Variants in ACOXL observed in about 807,000 individuals in gnomAD.
The protein encoded by ACOXL is acyl-coenzyme A oxidase-like protein.
Under a neutral mutation model 71.9 loss-of-function variants are expected in ACOXL, and 70 were observed. The ratio of observed to expected loss-of-function variants is 0.97; its 90% confidence interval spans 0.80 to 1.19. The LOEUF (loss-of-function observed/expected upper bound fraction) is 1.19. ACOXL is among the 50% of genes most tolerant of loss of function. The probability of loss-of-function intolerance (pLI) is 0.00; values close to 1 mark genes in which losing one functional copy is unlikely to be tolerated. For missense variants in ACOXL, 703 were observed against 736.3 expected (o/e 0.95, Z 0.52); for synonymous variants, 253 against 281.6 (o/e 0.90, Z 1.02).
At chr2:110,915,428 A>ATATATTT (rs1315085098) in intron 11 of ACOXL, among the ~76,000 whole-genome samples, 16 of 108,002 alleles carry the variant, frequency 1.5e-4, no homozygotes, top group African/African-American at 5.3e-4. Context: ...ATATATATAT[A>ATATATTT]TTTTTTTTTT....
rs2105264182 is a variant in ACOXL, at chr2:110,793,729, C to T, written c.239C>T (p.Pro80Leu). 6.2e-7 allele frequency: 1 copy of T among 1,613,562 alleles called. No individual in the cohort carries two copies. Among genetic ancestry groups the T allele is most frequent in the African/African-American group, 1.3e-5 (1 of 74,984 alleles). The change falls in exon 4 of 18, where the codon CCA (proline) becomes CTA (leucine). Residue 80 changes from proline (P) to leucine (L), a missense_variant. Coordinates refer to ENST00000439055, the MANE Select transcript of ACOXL (RefSeq NM_001142807.4). ...SPEHVTKWFQ[P>L]LQEQKYTGMF... ...GAACATGTTACTAAGTGGTTTCAGCCACTCCAGGTATGGTATTTTCCTCAA... is the reference window on the plus strand; with the variant it reads ...GAACATGTTACTAAGTGGTTTCAGCTACTCCAGGTATGGTATTTTCCTCAA...
At chr2:111,042,472 T>C (rs969334821) in intron 15 of ACOXL, among the ~76,000 whole-genome samples, 1 of 152,114 alleles carries the variant, frequency 6.6e-6, no homozygotes, top group African/African-American at 2.4e-5. Flanking sequence ...GAAACATGCA[T>C]AGGTTCCCGA....
intron 16 of ACOXL, among the ~76,000 whole-genome samples, chr2:111,075,290 T>C (rs1014090792): frequency 8.5e-5 from 13 of 152,190 alleles, no homozygotes; most frequent in Admixed American, 8.5e-4. Context: ...ATGATTCTTG[T>C]TATGTATTTC....
intron 10 of ACOXL, chr2:110,887,220 C>T: frequency 4.9e-6 from 1 of 202,316 alleles, no homozygotes. Context: ...CACAATGCAT[C>T]AAAATTCTTT....
intron 9 of ACOXL, among the ~76,000 whole-genome samples, chr2:110,833,171 A>G (rs1171535753): frequency 6.6e-6 from 1 of 152,256 alleles, no homozygotes; most frequent in Non-Finnish European, 1.5e-5. Flanking sequence ...AATAACCCAG[A>G]TATCTTTCAA....
chr2:110,908,999 T>C, intron 11 of ACOXL, 94 bp downstream of exon 11: 1 of 940,036 alleles, frequency 1.1e-6, no homozygotes, highest in Non-Finnish European at 1.6e-6. Context: ...TGTCATTTTC[T>C]AACTGTGATC....
intron 5 of ACOXL, 26 bp from the exon 6 acceptor site, chr2:110,798,584 A>G (rs767083083): frequency 6.3e-7 from 1 of 1,583,346 alleles, no homozygotes; most frequent in Non-Finnish European, 8.7e-7. Context: ...GAAGGGAAAC[A>G]CTGTTGCTCT....
intron 10 of ACOXL, among the ~76,000 whole-genome samples, chr2:110,900,072 AACACACACACACATACACACACACACAC>A (rs989030147): frequency 2.2e-4 from 27 of 123,100 alleles, no homozygotes; most frequent in African/African-American, 8.8e-4. Flanking sequence ...AAAGCTTTTC[AACACACACACACATACACACACACACAC>A]ACACACACAC....
chr2:111,089,824 AGG>A (rs2068426896), intron 16 of ACOXL, among the ~76,000 whole-genome samples: 1 of 152,228 alleles, frequency 6.6e-6, no homozygotes, highest in Admixed American at 6.5e-5. Flanking sequence ...ATCCAAACCT[AGG>A]GCAGTAATGG....
At chr2:110,737,443 A>G (rs1291409816) in intron 1 of ACOXL, among the ~76,000 whole-genome samples, 2 of 152,212 alleles carry the variant, frequency 1.3e-5, no homozygotes, top group Non-Finnish European at 2.9e-5. Flanking sequence ...TTAAATCAGT[A>G]TCCAGTGTTC....
At chr2:110,782,338 A>C (rs1683444410) in intron 2 of ACOXL, among the ~76,000 whole-genome samples, 1 of 152,222 alleles carries the variant, frequency 6.6e-6, no homozygotes, top group South Asian at 2.1e-4. Flanking sequence ...AGAACAATTA[A>C]TCAGAAATAA....
At chr2:110,790,471 C>T (rs540894639) in intron 3 of ACOXL, among the ~76,000 whole-genome samples, 3 of 152,174 alleles carry the variant, frequency 2.0e-5, no homozygotes, top group South Asian at 4.1e-4. Context: ...CTCGTGTGCT[C>T]GATGTCATAG....
At chr2:111,028,659 T>C (rs932310443) in intron 14 of ACOXL, among the ~76,000 whole-genome samples, 1 of 152,186 alleles carries the variant, frequency 6.6e-6, no homozygotes, top group African/African-American at 2.4e-5. Flanking sequence ...AGTATTTTTT[T>C]AATTGGCTGT....
chr2:110,994,062 C>T (rs374436720), intron 13 of ACOXL, among the ~76,000 whole-genome samples: 89 of 152,176 alleles, frequency 5.8e-4, no homozygotes, highest in African/African-American at 2.1e-3. Flanking sequence ...CATGACTCAG[C>T]GAGTGGGTGA....
At chr2:110,785,801 G>C (rs2105182001) in intron 3 of ACOXL, among the ~76,000 whole-genome samples, 1 of 152,264 alleles carries the variant, frequency 6.6e-6, no homozygotes, top group Non-Finnish European at 1.5e-5. Context: ...GGAATTGCTA[G>C]TTACAGGATG....
In ACOXL at chr2:110,933,622, C is replaced by A; in HGVS notation, c.1039C>A (p.Arg347Ser). The A allele has an allele frequency of 6.2e-7, 1 of 1,612,226 alleles. No homozygotes were observed. The highest frequency in any genetic ancestry group is 8.5e-7 in the Non-Finnish European group (1 of 1,179,612). Residue 347 changes from arginine (R) to serine (S), a missense_variant, in exon 12 of 18, where the codon CGC becomes AGC. By Grantham distance (110) the Arg-to-Ser change is moderately radical. Transcript: ENST00000439055. ...GAACATCCGCTGCCTGCAGGACTGC[C>A]GCGAGTGCACTGGAGGCATGGTGAG... ...WENIRCLQDC[R>S]ECTGGMVVGR...
rs577794087 is a variant in ACOXL at position 110,849,207 on chromosome 2, C to T, written c.788+7802C>T. Among the ~76,000 whole-genome samples the T allele has an allele frequency of 8.6e-4, 131 of 152,240 alleles. 1 individual carries two copies. Among genetic ancestry groups the T allele is most frequent in the African/African-American group, 2.6e-3 (107 of 41,470 alleles). On this transcript the variant is annotated intron_variant, in intron 10 of 17. Coordinates refer to ENST00000439055, the MANE Select transcript of ACOXL (RefSeq NM_001142807.4). ...ACAGGTGGGAAAGGCAGGCGGCATC[C>T]CTGTTCCCTCCACAAGTGCCCCTCT...
intron 10 of ACOXL, among the ~76,000 whole-genome samples, chr2:110,893,967 T>A (rs568001953): frequency 6.6e-6 from 1 of 152,286 alleles, no homozygotes; most frequent in South Asian, 2.1e-4. Context: ...GTGCATGGCC[T>A]CTCTTTCTCT....
At chr2:110,761,630 C>T (rs192843160) in intron 1 of ACOXL, among the ~76,000 whole-genome samples, 3 of 152,208 alleles carry the variant, frequency 2.0e-5, no homozygotes, top group Admixed American at 6.5e-5. Context: ...GCATTGATGC[C>T]TGCCATCCTA....
Sources: gnomAD v4.1 joint callset for allele counts (sites outside exome capture counted in the v4.1 genomes callset) on GRCh38, gnomAD v4.1.1 for gene constraint, MANE v1.5 for transcripts, NCBI Gene and HGNC (gene_info 2026-07-23, HGNC 2026-07-21) for gene names.